The following TOP3B variants were observed in gnomAD, a reference collection of about 807,000 sequenced individuals.
TOP3B encodes the protein DNA topoisomerase III beta.
Under a neutral mutation model 93.9 loss-of-function variants are expected in TOP3B, and 45 were observed. The observed-to-expected ratio is 0.48, with a 90% CI of 0.38 to 0.61. The LOEUF is 0.61. Ranked by LOEUF, TOP3B falls within the 20% of genes least tolerant of loss-of-function variation. TOP3B has a pLI of 0.00. For missense variants in TOP3B, 750 were observed against 1,156.1 expected (o/e 0.65, Z 5.09); for synonymous variants, 357 against 472.6 (o/e 0.76, Z 3.17).
At chr22:21,958,991 T>G (rs538928345) in intron 16 of TOP3B, 141 bp downstream of exon 16, 1 of 1,281,854 alleles carries the variant, frequency 7.8e-7, no homozygotes. Context: ...GGACACTGGG[T>G]ATTTTTTGGC....
Position 21,971,762 on chromosome 22 carries a change from G to A in TOP3B, c.384+115C>T, listed in dbSNP as rs531506539. On this transcript the variant is annotated intron_variant, in intron 5 of 17. Transcript: ENST00000357179. This position sits in a 1 kb window ranked among gnomAD's most constrained non-coding sequence, Gnocchi z 4.6. ...GGGAGGGGAGAGGTGTTTTTAAACCGGTACAGTTTACTCCCTCCTTTGGCC... is the reference window on the plus strand; with the variant it reads ...GGGAGGGGAGAGGTGTTTTTAAACCAGTACAGTTTACTCCCTCCTTTGGCC... The A allele has an allele frequency of 3.6e-5, 32 of 878,726 alleles. No homozygotes were observed. Among genetic ancestry groups the A allele is most frequent in the Non-Finnish European group, 5.5e-5 (29 of 526,308 alleles). 54.4% of individuals were successfully genotyped at this position (878,726 alleles called of 1,614,324 possible).
chr22:21,964,799 C>T (rs2071349546), intron 9 of TOP3B: 1 of 181,812 alleles, frequency 5.5e-6, no homozygotes. Context: ...CCAGCAGAGG[C>T]AGGCGCTTAG....
At chr22:21,976,191 G>A (rs1380147346) in intron 1 of TOP3B, 8 of 152,718 alleles carry the variant, frequency 5.2e-5, no homozygotes, top group African/African-American at 1.9e-4. Context: ...GACTCACCTG[G>A]AAAGAGGAAC....
chr22:21,972,040 T>G, intron 4 of TOP3B, 89 bp from the exon 5 acceptor site: 1 of 1,174,784 alleles, frequency 8.5e-7, no homozygotes, highest in Non-Finnish European at 1.2e-6. Context: ...CAGGGCTTGG[T>G]CCCAGGCCCT....
At chr22:21,959,850 CT>C in intron 14 of TOP3B, 114 bp from the exon 15 acceptor site, 1 of 1,430,962 alleles carries the variant, frequency 7.0e-7, no homozygotes, top group South Asian at 1.3e-5. Flanking sequence ...GCCCGTCCTC[CT>C]GGCCTCTGCC....
intron 1 of TOP3B, among the ~76,000 whole-genome samples, chr22:21,978,169 G>A (rs932686599): frequency 3.3e-5 from 5 of 152,028 alleles, no homozygotes; most frequent in African/African-American, 9.7e-5. Flanking sequence ...GAGGATGAAT[G>A]GGCCCTGGGT....
chr22:21,968,527 C>G (rs931045269), intron 7 of TOP3B, 92 bp downstream of exon 7: 10 of 1,540,968 alleles, frequency 6.5e-6, no homozygotes, highest in African/African-American at 2.7e-5. Context: ...TGCCCTCAGC[C>G]CGGGGCCTGC....
chr22:21,958,680 C>T lies in TOP3B; in HGVS notation c.1919G>A (p.Arg640His), dbSNP rs549538254. 1.4e-5 allele frequency: 23 copies of T among 1,598,816 alleles called. No homozygotes were observed. Among genetic ancestry groups the T allele is most frequent in the East Asian group, 4.5e-5 (2 of 44,390 alleles). ...FMKYIQAKPSRLHCSHCDETY... is the reference protein window; with the variant it reads ...FMKYIQAKPSHLHCSHCDETY... ...CTCATCGCAGTGGGAGCAGTGCAGG[C>T]GGCTTGGCTTGGCCTGCGGCAATGC... Residue 640 changes from arginine to histidine, a missense_variant, in exon 17 of 18, where the codon CGC becomes CAC. Arg to His is a conservative substitution (Grantham distance 29, BLOSUM62 0). This residue lies in a region of TOP3B where 737 missense variants were observed against 933.7 expected (regional missense o/e 0.79). Coordinates refer to ENST00000357179, the MANE Select transcript of TOP3B (RefSeq NM_001282112.2).
chr22:21,962,606 G>A lies in TOP3B; in HGVS notation c.1352-4C>T. ...CAGGGCATGACCTCCGTGAAGCCTG[G>A]AGAGATATGCGCCGCCACTCAGGGT... On this transcript the variant is annotated splice_region_variant and splice_polypyrimidine_tract_variant and intron_variant, in intron 12 of 17. Coordinates refer to ENST00000357179, the MANE Select transcript of TOP3B (RefSeq NM_001282112.2). The A allele has an allele frequency of 1.9e-6, 3 of 1,611,424 alleles. No individual in the cohort carries two copies. Among genetic ancestry groups the A allele is most frequent in the Non-Finnish European group, 2.5e-6 (3 of 1,178,398 alleles).
intron 10 of TOP3B, 47 bp downstream of exon 10, chr22:21,964,114 G>C: frequency 6.2e-7 from 1 of 1,612,108 alleles, no homozygotes; most frequent in Non-Finnish European, 8.5e-7. Flanking sequence ...TGGTCCCAAG[G>C]CCTCAGTGAC....
At chr22:21,975,901 C>G in intron 1 of TOP3B, 94 bp from the exon 2 acceptor site, 3 of 817,756 alleles carry the variant, frequency 3.7e-6, no homozygotes, top group Non-Finnish European at 4.9e-6. Flanking sequence ...AAAACAAGAC[C>G]AACCTGAGGC....
intron 1 of TOP3B, among the ~76,000 whole-genome samples, chr22:21,980,485 T>C (rs1464945799): frequency 4.6e-5 from 7 of 152,192 alleles, no homozygotes; most frequent in African/African-American, 1.7e-4. Flanking sequence ...GTTCCCCACT[T>C]AAGAGATCAC....
chr22:21,958,597 G>C lies in TOP3B; in HGVS notation c.2002C>G (p.Leu668Val), dbSNP rs763991733. ...CACAGGACCAGCTCGAAGTCATCCA[G>C]AGGGCAGCGGAGCTCCTTGTAGAGC... Reference protein sequence around the residue: ...IKLYKELRCPLDDFELVLWSS... With the variant: ...IKLYKELRCPVDDFELVLWSS... Residue 668 changes from leucine (L) to valine (V), a missense_variant, in exon 17 of 18, where the codon CTG becomes GTG. Leu to Val is a conservative substitution (Grantham distance 32, BLOSUM62 1). Around this residue, in one of 4 missense-constraint regions of TOP3B, gnomAD observed 737 missense variants for 933.7 expected, o/e 0.79. Coordinates refer to ENST00000357179, the MANE Select transcript of TOP3B (RefSeq NM_001282112.2). The C allele has an allele frequency of 6.2e-6, 10 of 1,614,032 alleles. No homozygotes were observed. In the South Asian group the frequency reaches 1.1e-4, roughly 18 times the overall value.
Position 21,963,992 on chromosome 22 carries a change from G to A in TOP3B, c.1135C>T (p.Arg379Trp), listed in dbSNP as rs143308485. ...RLLAEGINRPRKGHDAGDHPP... is the reference protein window; with the variant it reads ...RLLAEGINRPWKGHDAGDHPP... ...TGGTCGCCGGCGTCATGGCCTTTCC[G>A]CGGGCGGTTGATACCTTCTGCTAAC... Residue 379 changes from arginine (R) to tryptophan (W), a missense_variant, in exon 11 of 18, where the codon CGG becomes TGG. This residue lies in a region of TOP3B where 737 missense variants were observed against 933.7 expected (regional missense o/e 0.79). Coordinates refer to ENST00000357179, the MANE Select transcript of TOP3B (RefSeq NM_001282112.2). This position sits in a 1 kb window ranked among gnomAD's most constrained non-coding sequence, Gnocchi z 4.8. 2.2e-3 allele frequency: 3,619 copies of A among 1,611,714 alleles called. 9 individuals are homozygous for A. The highest frequency in any genetic ancestry group is 2.8e-3 in the Non-Finnish European group (3,306 of 1,179,202).
At position 21,963,659 on chromosome 22, in the gene TOP3B, C is replaced by T. The variant is rs2266973; in HGVS notation, c.1204+264G>A. ...AGGTGTGCTGCCCCCTCCCCCACAC[C>T]GCCACTCTCTACCCTGGTTTCATTC... is the stretch of plus-strand genomic sequence containing the variant. On this transcript the variant is annotated intron_variant, in intron 11 of 17. Transcript: ENST00000357179. The surrounding 1 kb of genome is among the most constrained non-coding windows in gnomAD (Gnocchi z 4.8). 50,674 of 487,116 alleles carry T rather than the reference C, an allele frequency of 0.1. 2,933 individuals carry two copies. The highest frequency in any genetic ancestry group is 0.12 in the Non-Finnish European group (31,833 of 271,146). 30.2% of individuals were successfully genotyped at this position (487,116 alleles called of 1,614,324 possible). A position where few individuals can be genotyped will look rare whatever the true frequency, so the allele number is the denominator to read the frequency against.
chr22:21,962,063 T>A lies in TOP3B; in HGVS notation c.1525+366A>T, dbSNP rs1281914519. 3 of 1,159,632 alleles carry A rather than the reference T, an allele frequency of 2.6e-6. No individual in the cohort carries two copies. In the African/African-American group the frequency reaches 4.8e-5, roughly 18 times the overall value. The allele number at this position is 1,159,632 out of a possible 1,614,324, so 71.8% of individuals were successfully genotyped here. On this transcript the variant is annotated intron_variant, in intron 13 of 17. Transcript: ENST00000357179. ...GAGATCTCATTTCCCTGTCACCTGA[T>A]TTCAGGACAGCCCAGGCTGGCTGTG...
intron 14 of TOP3B, 157 bp from the exon 15 acceptor site, chr22:21,959,893 C>T (rs1317403935): frequency 9.8e-7 from 1 of 1,019,976 alleles, no homozygotes; most frequent in Non-Finnish European, 1.4e-6. Context: ...CAGATGGTAC[C>T]AGGCTGGCTC....
At chr22:21,958,762 T>C in intron 16 of TOP3B, 69 bp from the exon 17 acceptor site, 1 of 1,490,522 alleles carries the variant, frequency 6.7e-7, no homozygotes, top group Admixed American at 2.2e-5. Flanking sequence ...CCCCCACTCC[T>C]CTCATAATAC....
chr22:21,972,237 A>G, intron 4 of TOP3B: 1 of 484,610 alleles, frequency 2.1e-6, no homozygotes, highest in Non-Finnish European at 3.6e-6. Context: ...AATAACCCTA[A>G]ATGATAACAG....
Sources: gnomAD v4.1 joint callset for allele counts (sites outside exome capture counted in the v4.1 genomes callset) on GRCh38, gnomAD v4.1.1 for gene constraint, gnomAD v4.1.1 regional missense constraint, Gnocchi (gnomAD v3.1) non-coding constraint, MANE v1.5 for transcripts, NCBI Gene and HGNC (gene_info 2026-07-23, HGNC 2026-07-21) for gene names.